Variants in DSCAM observed in about 807,000 individuals in gnomAD.
The protein encoded by DSCAM is DS cell adhesion molecule.
In DSCAM, 47 loss-of-function variants were observed where a neutral mutation model predicts 217.7. The observed-to-expected ratio is 0.22, with a 90% CI of 0.17 to 0.28. The LOEUF (loss-of-function observed/expected upper bound fraction) is 0.28, where lower values mean the gene tolerates loss of function less well. Ranked by LOEUF, DSCAM falls within the 10% of genes least tolerant of loss-of-function variation. The pLI is 1.00. For synonymous variants in DSCAM, 1,056 were observed against 1,015.3 expected, an observed-to-expected ratio of 1.04 and a Z score of -0.76; for missense variants, 2,080 against 2,618.3, an observed-to-expected ratio of 0.79 and a Z score of 4.49.
chr21:40,488,885 AT>A (rs2076051698), intron 3 of DSCAM, among the ~76,000 whole-genome samples: 1 of 152,182 alleles, frequency 6.6e-6, no homozygotes, highest in African/African-American at 2.4e-5. Flanking sequence ...GTTCACAGCG[AT>A]TTCAAAGAGA....
At chr21:40,496,168 T>C (rs752387129) in intron 3 of DSCAM, among the ~76,000 whole-genome samples, 20 of 151,940 alleles carry the variant, frequency 1.3e-4, no homozygotes, top group Non-Finnish European at 2.8e-4. Context: ...TAGAAAAAAA[T>C]TAGCATAAAA....
At chr21:40,298,041 G>A (rs898505681) in intron 9 of DSCAM, among the ~76,000 whole-genome samples, 1 of 151,522 alleles carries the variant, frequency 6.6e-6, no homozygotes, top group African/African-American at 2.4e-5. Context: ...ACTGCTGTAA[G>A]AGTGTTGATT....
chr21:40,394,296 T>A (rs897745022), intron 3 of DSCAM, among the ~76,000 whole-genome samples: 1 of 152,234 alleles, frequency 6.6e-6, no homozygotes, highest in Non-Finnish European at 1.5e-5. Context: ...TTTTATTAGT[T>A]GAATGAGAGG....
chr21:40,636,197 G>A (rs1372045313), intron 3 of DSCAM, among the ~76,000 whole-genome samples: 4 of 151,892 alleles, frequency 2.6e-5, no homozygotes, highest in South Asian at 2.1e-4. Flanking sequence ...CAGCTGGCGC[G>A]CACAACCAAA....
At chr21:40,690,160 A>C (rs1031911836) in intron 3 of DSCAM, among the ~76,000 whole-genome samples, 1 of 152,216 alleles carries the variant, frequency 6.6e-6, no homozygotes, top group African/African-American at 2.4e-5. Context: ...GTTTTAAACC[A>C]TGCGTCACCT....
chr21:40,582,613 A>G (rs1041228527), intron 3 of DSCAM, among the ~76,000 whole-genome samples: 1 of 152,240 alleles, frequency 6.6e-6, no homozygotes, highest in African/African-American at 2.4e-5. Context: ...AAACACACAT[A>G]ATACATATTC....
intron 32 of DSCAM, among the ~76,000 whole-genome samples, chr21:40,022,995 T>A (rs1159525586): frequency 1.3e-5 from 2 of 152,000 alleles, no homozygotes; most frequent in East Asian, 3.9e-4. Context: ...TAGCATTAGG[T>A]ATATCTCCCA....
chr21:40,488,625 C>T (rs996264690), intron 3 of DSCAM, among the ~76,000 whole-genome samples: 6 of 152,244 alleles, frequency 3.9e-5, no homozygotes, highest in Admixed American at 2.6e-4. Flanking sequence ...TCACTAAAGA[C>T]GCCACTGTGA....
chr21:40,060,003 G>A (rs1012545501), intron 28 of DSCAM, among the ~76,000 whole-genome samples: 3 of 152,176 alleles, frequency 2.0e-5, no homozygotes, highest in East Asian at 1.9e-4. Flanking sequence ...TTCACCTGCC[G>A]AACTTAGATT....
intron 3 of DSCAM, among the ~76,000 whole-genome samples, chr21:40,452,053 G>A (rs2075724190): frequency 6.6e-6 from 1 of 151,900 alleles, no homozygotes; most frequent in Non-Finnish European, 1.5e-5. Context: ...TCAACCAGGA[G>A]AATTTCAAAA....
At chr21:40,026,755 C>A (rs1225486143) in intron 32 of DSCAM, among the ~76,000 whole-genome samples, 1 of 146,436 alleles carries the variant, frequency 6.8e-6, no homozygotes, top group African/African-American at 2.5e-5. Context: ...TTATTTTGAG[C>A]CTATGTGTGT....
intron 3 of DSCAM, among the ~76,000 whole-genome samples, chr21:40,402,993 T>C (rs1214254910): frequency 6.6e-6 from 1 of 151,186 alleles, no homozygotes. Flanking sequence ...TAATTCATAG[T>C]AATTCCCTAT....
intron 3 of DSCAM, among the ~76,000 whole-genome samples, chr21:40,533,417 CCTAT>C (rs903694086): frequency 1.1e-4 from 16 of 144,702 alleles, no homozygotes; most frequent in East Asian, 8.5e-4. Flanking sequence ...AATGAATCCA[CCTAT>C]CTATTTCCCC....
chr21:40,339,378 C>G lies in DSCAM; in HGVS notation c.1248G>C (p.Lys416Asn). Residue 416 changes from lysine to asparagine, a missense_variant, in exon 7 of 33, where the codon AAG becomes AAC. Lys to Asn is a moderately conservative substitution (Grantham distance 94). Coordinates refer to ENST00000400454, the MANE Select transcript of DSCAM (RefSeq NM_001389.5). ...TPKIISAFSE[K>N]VVSPAEPVSL... ...AAACCGGCTCTGCTGGACTCACCAC[C>G]TTTTCACTAAAGGCAGAAATAATTT... 1 of 1,611,374 alleles carries G rather than the reference C, an allele frequency of 6.2e-7. No individual in the cohort carries two copies. Among genetic ancestry groups the G allele is most frequent in the Non-Finnish European group, 8.5e-7 (1 of 1,178,504 alleles).
chr21:40,223,363 C>T (rs567012556), intron 11 of DSCAM, among the ~76,000 whole-genome samples: 9 of 152,208 alleles, frequency 5.9e-5, no homozygotes, highest in East Asian at 1.9e-4. Context: ...CCATCATCAC[C>T]GCTTTCATTC....
chr21:40,248,151 CT>C (rs1040474038), intron 11 of DSCAM, among the ~76,000 whole-genome samples: 3 of 152,170 alleles, frequency 2.0e-5, no homozygotes, highest in Admixed American at 1.3e-4. Context: ...TTTTTTCCTC[CT>C]ATGCCTCCAG....
chr21:40,497,755 C>A (rs1356374438), intron 3 of DSCAM, among the ~76,000 whole-genome samples: 2 of 152,238 alleles, frequency 1.3e-5, no homozygotes, highest in South Asian at 2.1e-4. Flanking sequence ...TGTCAATATA[C>A]AAATAAATTG....
chr21:40,728,872 G>A (rs2090984757), intron 1 of DSCAM, among the ~76,000 whole-genome samples: 1 of 152,174 alleles, frequency 6.6e-6, no homozygotes, highest in African/African-American at 2.4e-5. Context: ...GAGAAGAGAA[G>A]GAAATTAGTT....
At chr21:40,071,843 C>T (rs1400782072) in intron 27 of DSCAM, among the ~76,000 whole-genome samples, 1 of 152,174 alleles carries the variant, frequency 6.6e-6, no homozygotes, top group African/African-American at 2.4e-5. Context: ...TAGACAGGCA[C>T]CTATTCCTTT....
Sources: gnomAD v4.1 joint callset for allele counts (sites outside exome capture counted in the v4.1 genomes callset) on GRCh38, gnomAD v4.1.1 for gene constraint, MANE v1.5 for transcripts, NCBI Gene and HGNC (gene_info 2026-07-23, HGNC 2026-07-21) for gene names.